The following DOCK8 variants were observed in gnomAD, a reference collection of about 807,000 sequenced individuals.
DOCK8 encodes dedicator of cytokinesis 8, also known as dedicator of cytokinesis protein 8.
A neutral mutation model predicts 245.6 loss-of-function variants in DOCK8; 141 were observed. The observed-to-expected ratio is 0.57, with a 90% CI of 0.50 to 0.66. The LOEUF is 0.66. DOCK8 is among the 30% of genes least tolerant of loss of function. DOCK8 has a pLI of 0.00. For synonymous variants in DOCK8, 1,168 were observed against 970.2 expected, an observed-to-expected ratio of 1.20 and a Z score of -3.79; for missense variants, 2,965 against 2,603.4, an observed-to-expected ratio of 1.14 and a Z score of -3.02.
At chr9:407,297 T>A (rs1004512193) in intron 28 of DOCK8, among the ~76,000 whole-genome samples, 2 of 152,126 alleles carry the variant, frequency 1.3e-5, no homozygotes, top group African/African-American at 4.8e-5. Context: ...ACAAAATGAC[T>A]TTTCTTGGTC....
rs549117799 is a variant in DOCK8 at position 398,243 on chromosome 9, G to C, written c.3121-903G>C. On this transcript the variant is annotated intron_variant, in intron 25 of 47. Coordinates refer to ENST00000432829, the MANE Select transcript of DOCK8 (RefSeq NM_203447.4). ...TAGACCCAGATACTGAGTCACGTAA[G>C]GCACCCAGGAGGAGTGGCCATGTGG... Among the ~76,000 whole-genome samples, 3 of 152,296 alleles carry C rather than the reference G, an allele frequency of 2.0e-5. No individual in the cohort carries two copies. In the South Asian group the frequency reaches 6.2e-4, roughly 32 times the overall value.
chr9:372,523 C>G (rs1040606236), intron 18 of DOCK8, among the ~76,000 whole-genome samples: 1 of 152,192 alleles, frequency 6.6e-6, no homozygotes, highest in Non-Finnish European at 1.5e-5. Context: ...CTTGCATTAT[C>G]TACCACAGAG....
intron 4 of DOCK8, among the ~76,000 whole-genome samples, chr9:300,553 A>T (rs2049492216): frequency 6.6e-6 from 1 of 152,094 alleles, no homozygotes; most frequent in South Asian, 2.1e-4. Flanking sequence ...TGAAACCAAA[A>T]GTTTGTGATT....
chr9:215,383 A>C, intron 1 of DOCK8: 2 of 1,586,020 alleles, frequency 1.3e-6, no homozygotes, highest in South Asian at 2.3e-5. Flanking sequence ...TGGGCGCGCC[A>C]CGGAGTGTCT....
chr9:274,761 C>T (rs750211590), intron 2 of DOCK8, among the ~76,000 whole-genome samples: 5 of 152,116 alleles, frequency 3.3e-5, no homozygotes, highest in Non-Finnish European at 7.4e-5. Flanking sequence ...AGACTCTCAA[C>T]CTAAAGCTGT....
chr9:247,979 A>G (rs374412600), intron 1 of DOCK8, among the ~76,000 whole-genome samples: 4 of 25,680 alleles, frequency 1.6e-4, no homozygotes, highest in African/African-American at 5.1e-4. Context: ...ATCTTCTCTA[A>G]GTTAAAAAAA....
chr9:365,066 T>G (rs2052916326), intron 14 of DOCK8, among the ~76,000 whole-genome samples: 1 of 152,160 alleles, frequency 6.6e-6, no homozygotes, highest in African/African-American at 2.4e-5. Flanking sequence ...CATGGGAGAA[T>G]GATGAAAGAT....
At chr9:333,896 A>T (rs552128088) in intron 10 of DOCK8, among the ~76,000 whole-genome samples, 2 of 152,292 alleles carry the variant, frequency 1.3e-5, no homozygotes, top group East Asian at 3.9e-4. Context: ...TTTTATGCAA[A>T]TCCAAGTCAC....
chr9:376,340 G>GCTCCTCCGCTGCACCTTTACC, intron 19 of DOCK8, 35 bp downstream of exon 19: 1 of 1,431,796 alleles, frequency 7.0e-7, no homozygotes, highest in Non-Finnish European at 9.9e-7. Flanking sequence ...GAAGGTAAAG[G>GCTCCTCCGCTGCACCTTTACC]TGCAGCGGAG....
chr9:286,975 C>T (rs929174940), intron 3 of DOCK8, among the ~76,000 whole-genome samples: 3 of 152,150 alleles, frequency 2.0e-5, no homozygotes, highest in Admixed American at 1.3e-4. Flanking sequence ...CCTCCCAAAT[C>T]CTCGGTTTCT....
chr9:395,531 T>TTAGTAGTAGTAGTAGTAGTAGTAGTAG lies in DOCK8; in HGVS notation c.2971-1245_2971-1219dup, dbSNP rs60738310. Among the ~76,000 whole-genome samples the TTAGTAGTAGTAGTAGTAGTAGTAGTAG allele has an allele frequency of 2.7e-5, 4 of 149,376 alleles. No individual in the cohort carries two copies. The Admixed American group carries it at 2.7e-4, about 10-fold the overall frequency. ...GTGGGTGGTTCAACTTCCAGTGCCA[T>TTAGTAGTAGTAGTAGTAGTAGTAGTAG]TAGTAGTAGTAGTAGTAGTAGTAGT... On this transcript the variant is annotated intron_variant, in intron 24 of 47. Coordinates refer to ENST00000432829, the MANE Select transcript of DOCK8 (RefSeq NM_203447.4).
chr9:435,513 C>T (rs550381608), intron 39 of DOCK8, among the ~76,000 whole-genome samples: 30 of 152,314 alleles, frequency 2.0e-4, no homozygotes, highest in African/African-American at 7.2e-4. Flanking sequence ...ACACAGTATA[C>T]TGACATTGTG....
chr9:450,867 G>T (rs1039720813), intron 45 of DOCK8, among the ~76,000 whole-genome samples: 2 of 151,056 alleles, frequency 1.3e-5, no homozygotes, highest in Non-Finnish European at 1.5e-5. Flanking sequence ...AATGATGTTT[G>T]CCATGAAGGC....
intron 6 of DOCK8, chr9:312,655 C>T: frequency 5.6e-6 from 2 of 355,472 alleles, no homozygotes; most frequent in South Asian, 4.4e-5. Context: ...AGCCCATGCT[C>T]CCAATGTATA....
rs183905657 is a variant in DOCK8, at chr9:333,549, C to T, written c.1126-676C>T. 8.0e-4 allele frequency among the ~76,000 whole-genome samples: 121 copies of T among 151,230 alleles called. 2 individuals are homozygous for T. The East Asian group carries it at 0.019, about 23-fold the overall frequency. On this transcript the variant is annotated intron_variant, in intron 10 of 47. Transcript: ENST00000432829. ...CTGGGAGGCGGAGGTTGCAGTGAGC[C>T]GAGATCGTGCCACTGCACTCCAGCC...
At chr9:421,953 G>C in intron 32 of DOCK8, 95 bp from the exon 33 acceptor site, 8 of 1,094,244 alleles carry the variant, frequency 7.3e-6, no homozygotes, top group Non-Finnish European at 1.1e-5. Context: ...GAGAAATGGT[G>C]CTGAGGCTTC....
chr9:447,060 G>C (rs142118777), intron 44 of DOCK8, among the ~76,000 whole-genome samples: 102 of 152,238 alleles, frequency 6.7e-4, no homozygotes, highest in African/African-American at 2.3e-3. Context: ...GGAAAGGGCC[G>C]TGTAAGGTAG....
chr9:274,069 G>T (rs1349891397), intron 2 of DOCK8, among the ~76,000 whole-genome samples: 2 of 152,180 alleles, frequency 1.3e-5, no homozygotes, highest in East Asian at 3.9e-4. Context: ...TTTATGTAAA[G>T]TTACAAAGGA....
chr9:247,694 C>T (rs533482466), intron 1 of DOCK8, among the ~76,000 whole-genome samples: 1,567 of 152,044 alleles, frequency 0.01, 31 homozygotes, highest in African/African-American at 0.036. Context: ...CCACCACGCC[C>T]GGCTAATTTT....
Sources: allele counts gnomAD v4.1 joint callset (sites outside exome capture counted in the v4.1 genomes callset), GRCh38; gene constraint gnomAD v4.1.1; transcripts MANE v1.5; gene names NCBI Gene and HGNC (gene_info 2026-07-23, HGNC 2026-07-21).